Variants in DOP1B observed in about 807,000 individuals in gnomAD.
DOP1B encodes the protein DOP1 leucine zipper like protein B.
Under a neutral mutation model 233.5 loss-of-function variants are expected in DOP1B, and 174 were observed. That is an observed-to-expected ratio of 0.75 (90% CI 0.66 to 0.85). DOP1B has a LOEUF of 0.85. Among genes scored for constraint, DOP1B ranks in the 40% least tolerant of loss-of-function variants. The pLI, the probability that DOP1B is intolerant of heterozygous loss-of-function variation, is 0.00. For missense variants in DOP1B, 2,652 were observed against 2,846.6 expected, an observed-to-expected ratio of 0.93 and a Z score of 1.56; for synonymous variants, 1,190 against 1,185.6, an observed-to-expected ratio of 1.00 and a Z score of -0.08.
chr21:36,210,317 G>A (rs34537268), intron 5 of DOP1B, among the ~76,000 whole-genome samples: 36,535 of 151,804 alleles, frequency 0.24, 4,377 homozygotes, highest in Non-Finnish European at 0.26. Context: ...AAGAGCAGCC[G>A]GGCCAACATG....
rs1275620912 is a variant in DOP1B, at chr21:36,293,642, G to C, written c.*71G>C. The C allele has an allele frequency of 6.6e-7, 1 of 1,518,770 alleles. No homozygotes were observed. The highest frequency in any genetic ancestry group is 1.8e-5 in the Admixed American group (1 of 55,908). 94.1% of individuals were successfully genotyped at this position (1,518,770 alleles called of 1,614,324 possible). ...GAAAACCAGGTTATATTCTAAAGAA[G>C]AAAGAAGGCAGGATAGTGCTTTTGA... On this transcript the variant is annotated 3_prime_UTR_variant, in exon 37 of 37. Coordinates refer to ENST00000691173, the MANE Select transcript of DOP1B (RefSeq NM_001320714.2).
Position 36,201,345 on chromosome 21 carries a change from C to CTTTTTTTTTTTTT in DOP1B, c.491+852_491+864dup, listed in dbSNP as rs1172730528. On this transcript the variant is annotated intron_variant, in intron 4 of 36. Coordinates refer to ENST00000691173, the MANE Select transcript of DOP1B (RefSeq NM_001320714.2). Reference sequence around the variant, plus strand: ...TCTATTCCACTGTATCTATTGGATTCTTTTTTTTTTTTTTTTTTTTGAGAC... The same window carrying CTTTTTTTTTTTTT: ...TCTATTCCACTGTATCTATTGGATTCTTTTTTTTTTTTTTTTTTTTTTTTTTTTTTTTTGAGAC... 3.2e-3 allele frequency among the ~76,000 whole-genome samples: 268 copies of CTTTTTTTTTTTTT among 83,238 alleles called. 37 individuals are homozygous for CTTTTTTTTTTTTT. The highest frequency in any genetic ancestry group is 0.011 in the African/African-American group (217 of 19,860). 54.6% of individuals were successfully genotyped at this position (83,238 alleles called of 152,430 possible).
chr21:36,169,805 T>G, intron 2 of DOP1B: 1 of 1,210,392 alleles, frequency 8.3e-7, no homozygotes, highest in Non-Finnish European at 1.2e-6. Context: ...GCCTTCTTCC[T>G]AGATTTATGC....
chr21:36,293,903 A>C lies in DOP1B; in HGVS notation c.*332A>C. 4.0e-6 allele frequency: 1 copy of C among 250,424 alleles called. No individual in the cohort carries two copies. The highest frequency in any genetic ancestry group is 7.8e-6 in the Non-Finnish European group (1 of 127,932). 15.5% of individuals were successfully genotyped at this position (250,424 alleles called of 1,614,324 possible). On this transcript the variant is annotated 3_prime_UTR_variant, in exon 37 of 37. Coordinates refer to ENST00000691173, the MANE Select transcript of DOP1B (RefSeq NM_001320714.2). The stretch of plus-strand genomic sequence containing the variant: ...AGGCTAAGGCATGAGAATTGCTTGA[A>C]CCCAGGAGGTGGAGGCTGCAGTGAG...
chr21:36,223,391 T>C (rs1252266987), intron 11 of DOP1B, 41 bp downstream of exon 11: 2 of 1,587,070 alleles, frequency 1.3e-6, no homozygotes, highest in African/African-American at 1.4e-5. Flanking sequence ...TTAGGAAGGA[T>C]GAGAGGGTTT....
At chr21:36,179,268 G>A (rs1414423105) in intron 2 of DOP1B, among the ~76,000 whole-genome samples, 1 of 152,192 alleles carries the variant, frequency 6.6e-6, no homozygotes, top group African/African-American at 2.4e-5. Flanking sequence ...TTAAGAAGCT[G>A]CCAAACTGTT....
At chr21:36,241,503 C>CTTTTTTTT (rs1165636640) in intron 18 of DOP1B, among the ~76,000 whole-genome samples, 2 of 76,490 alleles carry the variant, frequency 2.6e-5, no homozygotes, top group Admixed American at 1.9e-4. Context: ...TTATCTTAAT[C>CTTTTTTTT]TTTTTTTTTT....
chr21:36,276,951 G>C, intron 27 of DOP1B, 70 bp from the exon 28 acceptor site: 3 of 1,506,706 alleles, frequency 2.0e-6, no homozygotes, highest in Admixed American at 1.7e-5. Flanking sequence ...ATTCATGCAG[G>C]GCTTTTGGGG....
At chr21:36,206,946 T>C (rs1249677493) in intron 4 of DOP1B, among the ~76,000 whole-genome samples, 1 of 152,182 alleles carries the variant, frequency 6.6e-6, no homozygotes, top group Non-Finnish European at 1.5e-5. Flanking sequence ...TTACAGGAAG[T>C]TCAGACTAAT....
chr21:36,238,519 G>T, intron 16 of DOP1B, 82 bp from the exon 17 acceptor site: 2 of 1,178,376 alleles, frequency 1.7e-6, no homozygotes, highest in Non-Finnish European at 2.5e-6. Context: ...TTGATCTATT[G>T]TTTAAATGGG....
At chr21:36,263,867 C>G in intron 26 of DOP1B, 53 bp downstream of exon 26, 1 of 1,538,036 alleles carries the variant, frequency 6.5e-7, no homozygotes, top group Admixed American at 1.7e-5. Context: ...CAGTGCTGTC[C>G]TCCTTTGGGG....
chr21:36,175,398 A>G (rs941615939), intron 2 of DOP1B, among the ~76,000 whole-genome samples: 1 of 152,012 alleles, frequency 6.6e-6, no homozygotes, highest in Admixed American at 6.6e-5. Context: ...GGCGTGAGCC[A>G]CCACGCCTGG....
At chr21:36,160,801 A>G (rs2065862360) in intron 1 of DOP1B, among the ~76,000 whole-genome samples, 1 of 152,072 alleles carries the variant, frequency 6.6e-6, no homozygotes, top group African/African-American at 2.4e-5. Context: ...TATGGAAACA[A>G]TTTTAAACAT....
Position 36,233,076 on chromosome 21 carries a change from G to A in DOP1B, c.2622+1G>A. Reference sequence around the variant, plus strand: ...TGCAGAGAAAACAGATTTCTATCAGGTATTTCCCACTGGGAACACTCTTCT... The same window carrying A: ...TGCAGAGAAAACAGATTTCTATCAGATATTTCCCACTGGGAACACTCTTCT... On this transcript the variant is annotated splice_donor_variant, in intron 15 of 36. Coordinates refer to ENST00000691173, the MANE Select transcript of DOP1B (RefSeq NM_001320714.2). LOFTEE classifies it high-confidence loss of function. 6.2e-7 allele frequency: 1 copy of A among 1,613,814 alleles called. No homozygotes were observed.
intron 13 of DOP1B, 83 bp downstream of exon 13, chr21:36,227,960 G>A (rs2066713199): frequency 7.5e-7 from 1 of 1,331,668 alleles, no homozygotes; most frequent in Admixed American, 2.9e-5. Flanking sequence ...TTTAGGGTTG[G>A]TTAGGATAGG....
At chr21:36,244,040 T>A (rs1386949177) in intron 18 of DOP1B, among the ~76,000 whole-genome samples, 1 of 146,784 alleles carries the variant, frequency 6.8e-6, no homozygotes, top group East Asian at 2.0e-4. Flanking sequence ...TTTTTTTTTT[T>A]TTTTGAGACA....
Position 36,219,459 on chromosome 21 carries a change from T to C in DOP1B, c.1217T>C (p.Leu406Pro). ...GATGCCCTTGGCTCTGATCTTAAAC[T>C]TAGCTACACCCAGAGTGGAAATTCG... Reference protein sequence around the residue: ...CRDALGSDLKLSYTQSGNSLI... With the variant: ...CRDALGSDLKPSYTQSGNSLI... The change falls in exon 10 of 37, where the codon CTT (leucine) becomes CCT (proline). Residue 406 changes from leucine (L) to proline (P), a missense_variant. Physicochemically the swap from Leu to Pro is moderately conservative, Grantham distance 98. Around this residue, in one of 3 missense-constraint regions of DOP1B, gnomAD observed 2,617 missense variants for 2,794.3 expected, o/e 0.94. Coordinates refer to ENST00000691173, the MANE Select transcript of DOP1B (RefSeq NM_001320714.2). 2 of 1,614,172 alleles carry C rather than the reference T, an allele frequency of 1.2e-6. No individual in the cohort carries two copies. The highest frequency in any genetic ancestry group is 1.7e-6 in the Non-Finnish European group (2 of 1,180,030).
rs543294572 is a variant in DOP1B, at chr21:36,245,200, G to A, written c.3220G>A (p.Glu1074Lys). ...REAIWAEVEK[E>K]PEKYPLRGEL... ...AGCCATTTGGGCCGAAGTGGAGAAG[G>A]AGCCCGAGAAGTACCCGCTGCGAGG... Residue 1074 changes from glutamate to lysine, a missense_variant, in exon 19 of 37, where the codon GAG becomes AAG. Glu to Lys is a moderately conservative substitution (Grantham distance 56, BLOSUM62 1). Around this residue, in one of 3 missense-constraint regions of DOP1B, gnomAD observed 2,617 missense variants for 2,794.3 expected, o/e 0.94. Coordinates refer to ENST00000691173, the MANE Select transcript of DOP1B (RefSeq NM_001320714.2). The surrounding 1 kb of genome is among the most constrained non-coding windows in gnomAD (Gnocchi z 5.5). 6.2e-7 allele frequency: 1 copy of A among 1,614,082 alleles called. No homozygotes were observed. The highest frequency in any genetic ancestry group is 8.5e-7 in the Non-Finnish European group (1 of 1,180,038).
chr21:36,239,345 A>G (rs1300270628), intron 17 of DOP1B, among the ~76,000 whole-genome samples: 1 of 152,160 alleles, frequency 6.6e-6, no homozygotes, highest in Non-Finnish European at 1.5e-5. Context: ...AGCAGTGACC[A>G]TACTTGGTGT....
Sources: gnomAD v4.1 joint callset for allele counts (sites outside exome capture counted in the v4.1 genomes callset) on GRCh38, gnomAD v4.1.1 for gene constraint, gnomAD v4.1.1 regional missense constraint, Gnocchi (gnomAD v3.1) non-coding constraint, MANE v1.5 for transcripts, NCBI Gene and HGNC (gene_info 2026-07-23, HGNC 2026-07-21) for gene names.